The following SNX8 variants were observed in gnomAD, a reference collection of about 807,000 sequenced individuals.
The protein encoded by SNX8 is sorting nexin-8.
A neutral mutation model predicts 51.6 loss-of-function variants in SNX8; 25 were observed. The observed-to-expected ratio is 0.48, with a 90% CI of 0.35 to 0.68. The LOEUF is 0.68. Ranked by LOEUF, SNX8 falls within the 30% of genes least tolerant of loss-of-function variation. SNX8 has a pLI of 0.00. For missense variants in SNX8, 695 were observed against 624.0 expected, an observed-to-expected ratio of 1.11 and a Z score of -1.21; for synonymous variants, 324 against 277.0, an observed-to-expected ratio of 1.17 and a Z score of -1.68.
intron 1 of SNX8, among the ~76,000 whole-genome samples, chr7:2,339,697 C>T (rs1307214219): frequency 2.0e-5 from 3 of 151,772 alleles, no homozygotes; most frequent in Non-Finnish European, 4.4e-5. Context: ...TCAAGATTAG[C>T]CAAAGCAATT....
rs573425938 is a variant in SNX8 at position 2,258,823 on chromosome 7, G to A, written c.916-1020C>T. Among the ~76,000 whole-genome samples the A allele has an allele frequency of 7.2e-5, 11 of 152,324 alleles. No individual in the cohort carries two copies. The South Asian group carries it at 1.9e-3, about 26-fold the overall frequency. ...GCTCTGTGCGGGCAGCACAGCCACA[G>A]AGAGAGCCCAACAGGGCAGTGAGTG... is the stretch of plus-strand genomic sequence containing the variant. On this transcript the variant is annotated intron_variant, in intron 7 of 10. Transcript: ENST00000222990.
chr7:2,303,956 AT>A (rs1328264592), intron 1 of SNX8, among the ~76,000 whole-genome samples: 1 of 151,372 alleles, frequency 6.6e-6, no homozygotes, highest in African/African-American at 2.4e-5. Flanking sequence ...AATTAAAAAA[AT>A]AATAATAATA....
intron 1 of SNX8, among the ~76,000 whole-genome samples, chr7:2,349,446 CTTT>C (rs952272730): frequency 6.9e-6 from 1 of 144,240 alleles, no homozygotes. Context: ...TTTAATTTAA[CTTT>C]TTTTTTTTTG....
chr7:2,300,348 C>A (rs1796363772), intron 1 of SNX8, among the ~76,000 whole-genome samples: 1 of 152,212 alleles, frequency 6.6e-6, no homozygotes, highest in Admixed American at 6.5e-5. Context: ...CAACTGGAAA[C>A]AGACTGTCTA....
At chr7:2,296,754 A>C (rs1034903367) in intron 1 of SNX8, among the ~76,000 whole-genome samples, 37 of 151,756 alleles carry the variant, frequency 2.4e-4, no homozygotes, top group Admixed American at 4.6e-4. Context: ...AACATGGTTA[A>C]ACCCCATCTC....
rs888987702 is a variant in SNX8, at chr7:2,254,890, T to C, written c.*166A>G. 2.4e-5 allele frequency: 15 copies of C among 637,156 alleles called. 1 individual carries two copies. The African/African-American group carries it at 2.7e-4, about 11-fold the overall frequency. 39.5% of individuals were successfully genotyped at this position (637,156 alleles called of 1,614,324 possible). On this transcript the variant is annotated 3_prime_UTR_variant, in exon 11 of 11. Coordinates refer to ENST00000222990, the MANE Select transcript of SNX8 (RefSeq NM_013321.4). Reference sequence around the variant, plus strand: ...CAGTGTGGCCCAGCTGCCCCCATGGTCCACGGATGCGCCTCCCGACCCGCA... The same window carrying C: ...CAGTGTGGCCCAGCTGCCCCCATGGCCCACGGATGCGCCTCCCGACCCGCA...
chr7:2,278,352 C>G (rs1795832953), intron 1 of SNX8, 47 bp from the exon 2 acceptor site: 2 of 1,265,288 alleles, frequency 1.6e-6, no homozygotes, highest in Non-Finnish European at 2.2e-6. Flanking sequence ...TGCTCAAAAG[C>G]TGGAGCCTTG....
intron 9 of SNX8, 56 bp downstream of exon 9, chr7:2,257,309 C>A (rs1795211252): frequency 1.7e-5 from 27 of 1,563,848 alleles, no homozygotes; most frequent in Non-Finnish European, 2.2e-5. Context: ...CCGGGTCCCA[C>A]CATGGCCGGG....
upstream of SNX8, among the ~76,000 whole-genome samples, chr7:2,318,523 CAA>C (rs540609640): frequency 8.9e-6 from 1 of 112,172 alleles, no homozygotes; most frequent in Non-Finnish European, 1.8e-5. Context: ...AACTCTGTCT[CAA>C]AAAAAAAAAA....
At chr7:2,327,629 G>A (rs186627669) in intron 1 of SNX8, among the ~76,000 whole-genome samples, 5 of 149,150 alleles carry the variant, frequency 3.4e-5, no homozygotes, top group South Asian at 4.3e-4. Flanking sequence ...GGATGGTCTC[G>A]ATCTCCTGAC....
chr7:2,263,278 T>G lies in SNX8; in HGVS notation c.867A>C (p.Lys289Asn). 1 of 1,613,958 alleles carries G rather than the reference T, an allele frequency of 6.2e-7. No individual in the cohort carries two copies. The highest frequency in any genetic ancestry group is 8.5e-7 in the Non-Finnish European group (1 of 1,180,010). Residue 289 changes from lysine to asparagine, a missense_variant, in exon 7 of 11, where the codon AAA (lysine) becomes AAC (asparagine). Lys to Asn is a moderately conservative substitution (Grantham distance 94). Transcript: ENST00000222990. ...STWGSLKQAL[K>N]GLSVEFALLA... ...GCAGCGCGAATTCCACAGACAGGCC[T>G]TTCAGAGCCTGCTTCAGGGACCCCC...
chr7:2,321,779 C>T (rs182900603), intron 1 of SNX8, among the ~76,000 whole-genome samples: 80 of 125,232 alleles, frequency 6.4e-4, no homozygotes, highest in African/African-American at 2.4e-3. Context: ...TGCAATGTTG[C>T]GATCTCGGAT....
chr7:2,338,627 G>C (rs1266509398), intron 1 of SNX8, among the ~76,000 whole-genome samples: 1 of 152,062 alleles, frequency 6.6e-6, no homozygotes, highest in African/African-American at 2.4e-5. Context: ...GAGCAAGACT[G>C]TCTCAAAAAA....
intron 7 of SNX8, among the ~76,000 whole-genome samples, chr7:2,258,148 C>T (rs1375188226): frequency 6.6e-6 from 1 of 152,046 alleles, no homozygotes; most frequent in Non-Finnish European, 1.5e-5. Context: ...GTAGCTGGGA[C>T]TACAGGCGCC....
chr7:2,332,816 GAGAA>G (rs1479859380), intron 1 of SNX8, among the ~76,000 whole-genome samples: 3 of 147,344 alleles, frequency 2.0e-5, no homozygotes, highest in Non-Finnish European at 4.5e-5. Flanking sequence ...AAGAAAGAAA[GAGAA>G]AGAAAGGAAG....
At chr7:2,321,152 C>T (rs565694802) in intron 1 of SNX8, among the ~76,000 whole-genome samples, 3 of 152,310 alleles carry the variant, frequency 2.0e-5, no homozygotes, top group African/African-American at 4.8e-5. Flanking sequence ...GAGAAGAACA[C>T]AGCAGAATTC....
intron 2 of SNX8, 35 bp downstream of exon 2, chr7:2,278,065 C>A (rs533664856): frequency 4.4e-6 from 7 of 1,601,148 alleles, no homozygotes; most frequent in Non-Finnish European, 5.1e-6. Flanking sequence ...TTTCTTCCCC[C>A]TCCTGCCCCG....
intron 1 of SNX8, chr7:2,309,737 A>T: frequency 6.5e-6 from 3 of 458,746 alleles, no homozygotes; most frequent in South Asian, 4.8e-5. Context: ...ATCTCAAAAA[A>T]AAAAAAGTAT....
At chr7:2,338,912 ATTTCTT>A (rs1257729354) in intron 1 of SNX8, among the ~76,000 whole-genome samples, 1 of 151,870 alleles carries the variant, frequency 6.6e-6, no homozygotes, top group Non-Finnish European at 1.5e-5. Context: ...CCTTGCCTCT[ATTTCTT>A]TTTATTTTTC....
Sources: gnomAD v4.1 joint callset for allele counts (sites outside exome capture counted in the v4.1 genomes callset) on GRCh38, gnomAD v4.1.1 for gene constraint, MANE v1.5 for transcripts, NCBI Gene and HGNC (gene_info 2026-07-23, HGNC 2026-07-21) for gene names.